TMEM63C: variants seen among roughly 807,000 people sequenced by gnomAD.
TMEM63C encodes osmosensitive cation channel TMEM63C.
Under a neutral mutation model 99.2 loss-of-function variants are expected in TMEM63C, and 32 were observed. That is an observed-to-expected ratio of 0.32 (90% CI 0.24 to 0.43). The LOEUF is 0.43. TMEM63C is among the 20% of genes least tolerant of loss of function. The pLI is 1.00. For missense variants in TMEM63C, 826 were observed against 1,053.0 expected, an observed-to-expected ratio of 0.78 and a Z score of 2.98; for synonymous variants, 376 against 397.9, an observed-to-expected ratio of 0.94 and a Z score of 0.66.
chr14:77,219,301 CTG>C (rs1410029812), intron 3 of TMEM63C, among the ~76,000 whole-genome samples, 195 bp from the exon 4 acceptor site: 1 of 152,200 alleles, frequency 6.6e-6, no homozygotes, highest in Non-Finnish European at 1.5e-5. Flanking sequence ...AGCATCCACT[CTG>C]TGCCCAGAAG....
chr14:77,198,393 A>G (rs1158778042), intron 1 of TMEM63C, among the ~76,000 whole-genome samples: 1 of 152,248 alleles, frequency 6.6e-6, no homozygotes, highest in Admixed American at 6.5e-5. Flanking sequence ...ATTTGAGACC[A>G]GCCTCCTTAT....
intron 1 of TMEM63C, among the ~76,000 whole-genome samples, chr14:77,209,542 G>T (rs1257937824): frequency 6.6e-6 from 1 of 152,192 alleles, no homozygotes; most frequent in Non-Finnish European, 1.5e-5. Context: ...CCATGGATTT[G>T]TTGGTAAGCT....
At chr14:77,251,944 G>A (rs755015825) in intron 22 of TMEM63C, 46 bp downstream of exon 22, 7 of 1,450,086 alleles carry the variant, frequency 4.8e-6, no homozygotes, top group Non-Finnish European at 5.8e-6. Context: ...TGGTCCCTGG[G>A]GGACACAGCT....
At chr14:77,195,584 G>A (rs1034838289) in intron 1 of TMEM63C, among the ~76,000 whole-genome samples, 7 of 152,186 alleles carry the variant, frequency 4.6e-5, no homozygotes, top group Non-Finnish European at 1.0e-4. Flanking sequence ...TCCTCCTGCA[G>A]ATGATTCTGA....
At chr14:77,253,436 T>C in intron 23 of TMEM63C, 60 bp downstream of exon 23, 1 of 1,496,688 alleles carries the variant, frequency 6.7e-7, no homozygotes, top group Non-Finnish European at 9.1e-7. Context: ...TGGTCTACTC[T>C]AGTGGCATTG....
Position 77,231,719 on chromosome 14 carries a change from G to A in TMEM63C, c.482G>A (p.Gly161Glu). 1 of 1,551,656 alleles carries A rather than the reference G, an allele frequency of 6.4e-7. No individual in the cohort carries two copies. Among genetic ancestry groups the A allele is most frequent in the East Asian group, 2.4e-5 (1 of 40,926 alleles). The change falls in exon 7 of 24, where the codon GGA becomes GAA. Residue 161 changes from glycine to glutamate, a missense_variant. Transcript: ENST00000298351. ...LGIILPINYT[G>E]SVLDWSSHFA... ...ATCATTTTGCCCATCAACTATACTG[G>A]ATCTGTTCTGGGTAGGCAAAGCTCA...
chr14:77,242,238 C>T lies in TMEM63C; in HGVS notation c.1065-109C>T, dbSNP rs550080370. On this transcript the variant is annotated intron_variant, in intron 13 of 23. Transcript: ENST00000298351. ...AGAATCCCCAGGAAGGGGATGAGCCCCCATCTGTAGGACCACCATAGTGGC... is the reference window on the plus strand; with the variant it reads ...AGAATCCCCAGGAAGGGGATGAGCCTCCATCTGTAGGACCACCATAGTGGC... 303 of 1,251,520 alleles carry T rather than the reference C, an allele frequency of 2.4e-4. 5 individuals carry two copies. In the South Asian group the frequency reaches 4.1e-3, roughly 17 times the overall value. 77.5% of individuals were successfully genotyped at this position (1,251,520 alleles called of 1,614,324 possible).
intron 1 of TMEM63C, among the ~76,000 whole-genome samples, chr14:77,206,997 C>T (rs889741713): frequency 2.0e-5 from 3 of 151,462 alleles, no homozygotes; most frequent in Non-Finnish European, 4.4e-5. Flanking sequence ...TGTCCTCCTC[C>T]CCGTGTCTCC....
chr14:77,240,654 C>A, intron 13 of TMEM63C, 46 bp downstream of exon 13: 1 of 1,590,082 alleles, frequency 6.3e-7, no homozygotes, highest in South Asian at 1.1e-5. Context: ...CATACTCCTG[C>A]TTCTCGGCAC....
At chr14:77,253,192 G>A (rs1889399845) in intron 22 of TMEM63C, 113 bp from the exon 23 acceptor site, 3 of 895,726 alleles carry the variant, frequency 3.3e-6, no homozygotes, top group Non-Finnish European at 5.4e-6. Flanking sequence ...GACAGAAGAT[G>A]AGTTGAGTTC....
In TMEM63C at chr14:77,220,042, G is replaced by A. The variant is rs1285749300; in HGVS notation, c.267G>A (p.Lys89=). The A allele has an allele frequency of 3.2e-6, 5 of 1,562,516 alleles. 1 individual carries two copies. In the South Asian group the frequency reaches 3.5e-5, roughly 11 times the overall value. ...TGATCTATGGGGAGCAGAGCGAGAA[G>A]ACATCTCCCTCGGAGACTTCCTTGG... The part of the protein sequence containing the change: ...TSLIYGEQSE[K]TSPSETSLEM... Residue 89 remains lysine, a synonymous_variant, in exon 5 of 24, where the codon AAG becomes AAA. Coordinates refer to ENST00000298351, the MANE Select transcript of TMEM63C (RefSeq NM_020431.4).
intron 1 of TMEM63C, among the ~76,000 whole-genome samples, chr14:77,195,297 T>C (rs972264542): frequency 2.8e-4 from 43 of 152,268 alleles, no homozygotes; most frequent in African/African-American, 1.0e-3. Context: ...CTAGAGAGGA[T>C]TGAGCAAGCT....
intron 1 of TMEM63C, among the ~76,000 whole-genome samples, chr14:77,204,400 C>A (rs1439031372): frequency 6.6e-6 from 1 of 152,220 alleles, no homozygotes; most frequent in East Asian, 1.9e-4. Context: ...CAGCAGCTCC[C>A]TTTGTCCCTC....
At chr14:77,219,178 C>T (rs111620600) in intron 3 of TMEM63C, among the ~76,000 whole-genome samples, 1 of 152,248 alleles carries the variant, frequency 6.6e-6, no homozygotes, top group Non-Finnish European at 1.5e-5. Context: ...TTCTGTGCAT[C>T]ATTGTCCAGA....
At chr14:77,246,151 C>G in intron 17 of TMEM63C, 125 bp downstream of exon 17, 1 of 784,598 alleles carries the variant, frequency 1.3e-6, no homozygotes, top group South Asian at 1.5e-5. Context: ...CAGCCCCATG[C>G]CTGTCATGGG....
At chr14:77,238,235 G>A (rs1049259643) in intron 9 of TMEM63C, among the ~76,000 whole-genome samples, 19 of 152,210 alleles carry the variant, frequency 1.2e-4, no homozygotes, top group Admixed American at 7.9e-4. Flanking sequence ...CCAGTCTCAC[G>A]TGAGGGATTT....
At chr14:77,240,688 T>G in intron 13 of TMEM63C, 80 bp downstream of exon 13, 1 of 1,540,258 alleles carries the variant, frequency 6.5e-7, no homozygotes, top group Non-Finnish European at 8.7e-7. Context: ...CACCTCCAGT[T>G]TCCCCTTCTG....
chr14:77,256,614 A>G lies in TMEM63C; in HGVS notation c.2309A>G (p.Asn770Ser). Residue 770 changes from asparagine to serine, a missense_variant, in exon 24 of 24, where the codon AAC (asparagine) becomes AGC (serine). Physicochemically the swap from Asn to Ser is conservative, Grantham distance 46 (BLOSUM62 1). Transcript: ENST00000298351. The stretch of plus-strand genomic sequence containing the variant: ...AGGCACACCTATGGCACCATGAACA[A>G]CCAGCCGGAAGAGGGAGAAGAAGAG... ...PARHTYGTMNNQPEEGEEESG... is the reference protein window; with the variant it reads ...PARHTYGTMNSQPEEGEEESG... 6.2e-7 allele frequency: 1 copy of G among 1,613,992 alleles called. No individual in the cohort carries two copies.
intron 2 of TMEM63C, among the ~76,000 whole-genome samples, chr14:77,215,750 A>C (rs1023240915): frequency 1.3e-5 from 2 of 151,932 alleles, no homozygotes; most frequent in Non-Finnish European, 2.9e-5. Flanking sequence ...CAACAGCCTG[A>C]CTCTCAGTAA....
Sources: gnomAD v4.1 joint callset for allele counts (sites outside exome capture counted in the v4.1 genomes callset) on GRCh38, gnomAD v4.1.1 for gene constraint, MANE v1.5 for transcripts, NCBI Gene and HGNC (gene_info 2026-07-23, HGNC 2026-07-21) for gene names.